The following ZNF292 variants were observed in gnomAD, a reference collection of about 807,000 sequenced individuals.
The protein encoded by ZNF292 is zinc finger protein 292, also known as 16 zinc-finger domain protein.
ZNF292 carries 26 observed loss-of-function variants against 217.9 expected under a neutral mutation model. The ratio of observed to expected loss-of-function variants is 0.12; its 90% CI spans 0.09 to 0.17. The LOEUF is 0.17. Ranked by LOEUF, ZNF292 falls within the 10% of genes least tolerant of loss-of-function variation. The pLI is 1.00. For synonymous variants in ZNF292, 1,257 were observed against 1,124.1 expected (o/e 1.12, Z -2.37); for missense variants, 2,904 against 3,175.2 (o/e 0.91, Z 2.05).
chr6:87,162,922 A>G (rs547100060), intron 1 of ZNF292, among the ~76,000 whole-genome samples: 1 of 152,348 alleles, frequency 6.6e-6, no homozygotes, highest in African/African-American at 2.4e-5. Flanking sequence ...TATAGTTGTA[A>G]AATGGAAAGT....
chr6:87,205,548 G>A (rs1412085463), intron 1 of ZNF292, among the ~76,000 whole-genome samples: 1 of 151,690 alleles, frequency 6.6e-6, no homozygotes, highest in African/African-American at 2.4e-5. Flanking sequence ...AGATTTTTAA[G>A]TTATTTTCAG....
At chr6:87,233,738 T>C in intron 5 of ZNF292, 1 of 757,360 alleles carries the variant, frequency 1.3e-6, no homozygotes, top group South Asian at 6.0e-5. Flanking sequence ...TTTTAAATAA[T>C]ATACATCTTT....
chr6:87,158,072 A>G (rs961382174), intron 1 of ZNF292, among the ~76,000 whole-genome samples: 2 of 152,216 alleles, frequency 1.3e-5, no homozygotes, highest in Admixed American at 6.5e-5. Flanking sequence ...GTAATTTCCT[A>G]TATCAGTTTC....
intron 1 of ZNF292, among the ~76,000 whole-genome samples, chr6:87,202,910 T>A (rs1245272423): frequency 2.6e-5 from 4 of 152,124 alleles, no homozygotes; most frequent in South Asian, 2.1e-4. Context: ...TTACTGTGCC[T>A]AATTTACAAA....
In ZNF292 at chr6:87,256,719, C is replaced by T. The variant is rs547133043; in HGVS notation, c.3090C>T (p.Thr1030=). ...AAAGACAAGTGAACAACTTGATGAC[C>T]TTTTCTGTGCAAAATCAGGCAGCAT... ...NLERQVNNLM[T]FSVQNQAAFQ... is the part of the protein sequence containing the mutation. Residue 1030 remains threonine (T), a synonymous_variant, in exon 8 of 8, where the codon ACC becomes ACT. Coordinates refer to ENST00000369577, the MANE Select transcript of ZNF292 (RefSeq NM_015021.3). 3 of 1,612,812 alleles carry T rather than the reference C, an allele frequency of 1.9e-6. No individual in the cohort carries two copies. The highest frequency in any genetic ancestry group is 1.7e-6 in the Non-Finnish European group (2 of 1,179,788).
Position 87,260,699 on chromosome 6 carries a change from A to G in ZNF292, c.7070A>G (p.Tyr2357Cys), listed in dbSNP as rs1775531327. The change falls in exon 8 of 8, where the codon TAT (tyrosine) becomes TGT (cysteine). Residue 2357 changes from tyrosine to cysteine, a missense_variant. Tyr to Cys is a radical substitution (Grantham distance 194). Around this residue, in one of 15 missense-constraint regions of ZNF292, gnomAD observed 101 missense variants for 89.5 expected, o/e 1.13. Coordinates refer to ENST00000369577, the MANE Select transcript of ZNF292 (RefSeq NM_015021.3). ...GTGCAGATTGAAGAAAATAAGCCTT[A>G]TTCTCTGAAACGTGGGAAGCATGTA... ...KIVQIEENKP[Y>C]SLKRGKHVYS... The G allele has an allele frequency of 6.2e-7, 1 of 1,613,118 alleles. No homozygotes were observed.
intron 1 of ZNF292, among the ~76,000 whole-genome samples, chr6:87,191,740 C>T (rs897471665): frequency 6.6e-6 from 1 of 152,204 alleles, no homozygotes; most frequent in Non-Finnish European, 1.5e-5. Context: ...AAGCTCGACT[C>T]ACTGCAACAT....
At chr6:87,184,850 T>G (rs1289881932) in intron 1 of ZNF292, among the ~76,000 whole-genome samples, 2 of 152,190 alleles carry the variant, frequency 1.3e-5, no homozygotes, top group Non-Finnish European at 2.9e-5. Flanking sequence ...CAAAGGCCCC[T>G]GAGCCTGAAG....
intron 7 of ZNF292, among the ~76,000 whole-genome samples, chr6:87,254,120 C>G (rs964872030): frequency 1.3e-5 from 2 of 152,138 alleles, no homozygotes; most frequent in Admixed American, 6.6e-5. Flanking sequence ...CAAACTATTT[C>G]TTTCAGTACT....
At position 87,258,410 on chromosome 6, in the gene ZNF292, G is replaced by A. The variant is rs200729418; in HGVS notation, c.4781G>A (p.Gly1594Glu). 444 of 1,613,476 alleles carry A rather than the reference G, an allele frequency of 2.8e-4. No homozygotes were observed. The highest frequency in any genetic ancestry group is 3.5e-4 in the Non-Finnish European group (412 of 1,179,760). Residue 1594 changes from glycine to glutamate, a missense_variant, in exon 8 of 8, where the codon GGG (glycine) becomes GAG (glutamate). Around this residue, in one of 15 missense-constraint regions of ZNF292, gnomAD observed 622 missense variants for 573.1 expected, o/e 1.09. Coordinates refer to ENST00000369577, the MANE Select transcript of ZNF292 (RefSeq NM_015021.3). ...TCTAGTTCATTTCCTAATTCTGGTGGGCCATCACAAAATTTTACCAGTAAC... is the reference window on the plus strand; with the variant it reads ...TCTAGTTCATTTCCTAATTCTGGTGAGCCATCACAAAATTTTACCAGTAAC... ...LCSSSFPNSG[G>E]PSQNFTSNSS...
intron 1 of ZNF292, among the ~76,000 whole-genome samples, chr6:87,192,765 A>G (rs1349816610): frequency 1.3e-5 from 2 of 152,222 alleles, no homozygotes; most frequent in Non-Finnish European, 2.9e-5. Context: ...ACTGTATCAC[A>G]GTTTATTCAT....
In ZNF292 at chr6:87,192,012, C is replaced by T. The variant is rs138244825; in HGVS notation, c.169-23891C>T. Among the ~76,000 whole-genome samples, 924 of 152,266 alleles carry T rather than the reference C, an allele frequency of 6.1e-3. 2 individuals are homozygous for T. Among genetic ancestry groups the T allele is most frequent in the Non-Finnish European group, 9.4e-3 (638 of 68,032 alleles). On this transcript the variant is annotated intron_variant, in intron 1 of 7. Transcript: ENST00000369577. ...TGGGGAGGTTTGAGAATTTGTTTCT[C>T]ATAAACATTTGCTTTGTGATGGGGA...
rs78360090 is a variant in ZNF292 at position 87,247,928 on chromosome 6, A to G, written c.1020+2284A>G. ...TCGAAATGAAAATTTTAGCAGATGGATTATACAGATTAGACACAACTGAAG... is the reference window on the plus strand; with the variant it reads ...TCGAAATGAAAATTTTAGCAGATGGGTTATACAGATTAGACACAACTGAAG... On this transcript the variant is annotated intron_variant, in intron 7 of 7. Transcript: ENST00000369577. Among the ~76,000 whole-genome samples the G allele has an allele frequency of 6.4e-3, 976 of 152,340 alleles. 16 individuals carry two copies. The highest frequency in any genetic ancestry group is 0.023 in the African/African-American group (940 of 41,580).
intron 1 of ZNF292, among the ~76,000 whole-genome samples, chr6:87,191,352 CAG>C (rs1226879995): frequency 1.3e-5 from 2 of 152,092 alleles, no homozygotes; most frequent in Non-Finnish European, 2.9e-5. Context: ...GGGCCACATT[CAG>C]AGTCATCCTA....
chr6:87,175,584 C>T (rs1378416296), intron 1 of ZNF292, among the ~76,000 whole-genome samples: 1 of 152,206 alleles, frequency 6.6e-6, no homozygotes, highest in Non-Finnish European at 1.5e-5. Context: ...GGCGATCCTC[C>T]TGCCTTGGCT....
intron 1 of ZNF292, among the ~76,000 whole-genome samples, chr6:87,181,641 A>G (rs1249126666): frequency 6.6e-6 from 1 of 151,524 alleles, no homozygotes; most frequent in Non-Finnish European, 1.5e-5. Flanking sequence ...GTTCATGTGT[A>G]TATGAAACTT....
intron 1 of ZNF292, among the ~76,000 whole-genome samples, chr6:87,196,777 T>C (rs1247701833): frequency 6.6e-6 from 1 of 152,196 alleles, no homozygotes; most frequent in Non-Finnish European, 1.5e-5. Flanking sequence ...TGAAAGATAA[T>C]CTGAGAGACT....
At chr6:87,220,431 A>G (rs1773026930) in intron 4 of ZNF292, among the ~76,000 whole-genome samples, 1 of 152,164 alleles carries the variant, frequency 6.6e-6, no homozygotes, top group South Asian at 2.1e-4. Flanking sequence ...GTTCAGAAAG[A>G]TGAGTATTTT....
intron 1 of ZNF292, chr6:87,169,632 T>A (rs1224040937): frequency 2.5e-6 from 1 of 400,906 alleles, no homozygotes; most frequent in African/African-American, 2.1e-5. Flanking sequence ...GATGAGCCAT[T>A]AGCATTTAGT....
Sources: gnomAD v4.1 joint callset for allele counts (sites outside exome capture counted in the v4.1 genomes callset) on GRCh38, gnomAD v4.1.1 for gene constraint, gnomAD v4.1.1 regional missense constraint, MANE v1.5 for transcripts, NCBI Gene and HGNC (gene_info 2026-07-23, HGNC 2026-07-21) for gene names.